The following ATXN1 variants were observed in gnomAD, a reference collection of about 807,000 sequenced individuals.
The protein encoded by ATXN1 is ataxin-1.
Under a neutral mutation model 56.4 loss-of-function variants are expected in ATXN1, and 8 were observed. The observed-to-expected ratio is 0.14, with a 90% CI of 0.08 to 0.26. The LOEUF (loss-of-function observed/expected upper bound fraction) is 0.26. Ranked by LOEUF, ATXN1 falls within the 10% of genes least tolerant of loss-of-function variation. ATXN1 has a pLI of 1.00. For missense variants in ATXN1, 987 were observed against 1,106.5 expected, an observed-to-expected ratio of 0.89 and a Z score of 1.53; for synonymous variants, 514 against 494.6, an observed-to-expected ratio of 1.04 and a Z score of -0.52.
rs138431014 is a variant in ATXN1, at chr6:16,310,070, T to TAA, written c.1918-3213_1918-3212dup. ...CTGGGCGACAATAGAGAAACTCCAT[T>TAA]AAAAAAAAAAAGCCTCTAGAACAAA... On this transcript the variant is annotated intron_variant, in intron 7 of 7. Transcript: ENST00000436367. Among the ~76,000 whole-genome samples the TAA allele has an allele frequency of 5.7e-5, 8 of 139,382 alleles. No individual in the cohort carries two copies. In the South Asian group the frequency reaches 9.2e-4, roughly 16 times the overall value. 91.4% of individuals were successfully genotyped at this position (139,382 alleles called of 152,430 possible). A position where few individuals can be genotyped will look rare whatever the true frequency, so the allele number is the denominator to read the frequency against.
chr6:16,320,756 A>C (rs179994), intron 7 of ATXN1, among the ~76,000 whole-genome samples: 46,584 of 152,200 alleles, frequency 0.31, 8,095 homozygotes, highest in Non-Finnish European at 0.4. Context: ...GCACCCCTCA[A>C]ATCCAGTTCA....
chr6:16,363,769 T>C (rs78341114), intron 6 of ATXN1, among the ~76,000 whole-genome samples: 1 of 151,206 alleles, frequency 6.6e-6, no homozygotes, highest in Middle Eastern at 3.2e-3. Context: ...GAGTGGCAGG[T>C]GGGGTCAGGA....
intron 4 of ATXN1, among the ~76,000 whole-genome samples, chr6:16,527,254 T>C (rs1044839354): frequency 2.0e-5 from 3 of 151,962 alleles, no homozygotes; most frequent in African/African-American, 7.3e-5. Flanking sequence ...ATCTCACTTT[T>C]GAGGGGAGGC....
intron 3 of ATXN1, among the ~76,000 whole-genome samples, chr6:16,623,751 T>C (rs1440751298): frequency 6.6e-6 from 1 of 152,236 alleles, no homozygotes; most frequent in African/African-American, 2.4e-5. Flanking sequence ...AGCATGTGTG[T>C]GTCTGAGAAC....
At chr6:16,499,752 C>A (rs1178405480) in intron 5 of ATXN1, among the ~76,000 whole-genome samples, 1 of 152,142 alleles carries the variant, frequency 6.6e-6, no homozygotes, top group Non-Finnish European at 1.5e-5. Flanking sequence ...TGGCATGATA[C>A]CTAAGACTCT....
intron 2 of ATXN1, among the ~76,000 whole-genome samples, chr6:16,700,037 T>C (rs1759249035): frequency 6.6e-6 from 1 of 152,202 alleles, no homozygotes; most frequent in Non-Finnish European, 1.5e-5. Flanking sequence ...AATAAACTAT[T>C]ATTAAGCCAT....
At chr6:16,680,748 G>A (rs1758796505) in intron 2 of ATXN1, among the ~76,000 whole-genome samples, 1 of 152,176 alleles carries the variant, frequency 6.6e-6, no homozygotes, top group Non-Finnish European at 1.5e-5. Flanking sequence ...AAAAGCTGAA[G>A]TATGACCATC....
chr6:16,515,078 C>T (rs1761154781), intron 5 of ATXN1, among the ~76,000 whole-genome samples: 1 of 152,028 alleles, frequency 6.6e-6, no homozygotes, highest in Non-Finnish European at 1.5e-5. Flanking sequence ...ATTGGGTTAT[C>T]TCTGACTCCA....
chr6:16,655,417 C>T (rs1334339294), intron 3 of ATXN1, among the ~76,000 whole-genome samples: 1 of 152,018 alleles, frequency 6.6e-6, no homozygotes, highest in East Asian at 1.9e-4. Flanking sequence ...GGCTACTGGT[C>T]TGTGATGATG....
rs994904560 is a variant in ATXN1, at chr6:16,434,790, T to C, written c.-161+51182A>G. On this transcript the variant is annotated intron_variant, in intron 6 of 7. Coordinates refer to ENST00000436367, the MANE Select transcript of ATXN1 (RefSeq NM_001128164.2). ...AGAAACAGGAAGCTCCCTGCTCTCA[T>C]AGTGCTTCTTAGTTGGGGAGAAAAG... Among the ~76,000 whole-genome samples, 4 of 152,224 alleles carry C rather than the reference T, an allele frequency of 2.6e-5. No homozygotes were observed. In the East Asian group the frequency reaches 7.7e-4, roughly 29 times the overall value.
At chr6:16,321,267 G>A (rs1210384222) in intron 7 of ATXN1, among the ~76,000 whole-genome samples, 2 of 151,948 alleles carry the variant, frequency 1.3e-5, no homozygotes, top group African/African-American at 4.8e-5. Context: ...ATCTGGATGC[G>A]CCACAGACTT....
At chr6:16,438,085 A>G (rs1232314284) in intron 6 of ATXN1, among the ~76,000 whole-genome samples, 1 of 152,258 alleles carries the variant, frequency 6.6e-6, no homozygotes, top group Non-Finnish European at 1.5e-5. Context: ...GATCCCTCAC[A>G]TGTGCAGTTC....
At position 16,522,647 on chromosome 6, in the gene ATXN1, A is replaced by G. The variant is rs1217051907; in HGVS notation, c.-319T>C. On this transcript the variant is annotated 5_prime_UTR_variant, in exon 5 of 8. Transcript: ENST00000436367. ...CTCACCCTATGAAAACAGCACGTCGATTTCTTTCTCACGAAGAAAATGGTC... is the reference window on the plus strand; with the variant it reads ...CTCACCCTATGAAAACAGCACGTCGGTTTCTTTCTCACGAAGAAAATGGTC... 2 of 152,194 alleles carry G rather than the reference A, an allele frequency of 1.3e-5. No individual in the cohort carries two copies. Among genetic ancestry groups the G allele is most frequent in the Non-Finnish European group, 2.9e-5 (2 of 68,034 alleles). The allele number at this position is 152,194 out of a possible 1,614,324, so 9.4% of individuals were successfully genotyped here. A position where few individuals can be genotyped will look rare whatever the true frequency, so the allele number is the denominator to read the frequency against.
intron 5 of ATXN1, among the ~76,000 whole-genome samples, chr6:16,502,083 T>C (rs1200850358): frequency 2.0e-5 from 3 of 152,250 alleles, no homozygotes; most frequent in African/African-American, 7.2e-5. Flanking sequence ...GTTGGTTAGA[T>C]GAGAAAAGTT....
intron 2 of ATXN1, among the ~76,000 whole-genome samples, chr6:16,690,868 C>A (rs150796082): frequency 3.4e-4 from 52 of 152,272 alleles, no homozygotes; most frequent in African/African-American, 1.2e-3. Flanking sequence ...CACGATGATG[C>A]TGTTCAAACA....
chr6:16,446,753 A>G (rs1431296184), intron 6 of ATXN1, among the ~76,000 whole-genome samples: 2 of 152,196 alleles, frequency 1.3e-5, no homozygotes, highest in African/African-American at 4.8e-5. Flanking sequence ...TGTTGGTGTC[A>G]TCTATCAACA....
chr6:16,750,561 T>G (rs1760679506), intron 2 of ATXN1, among the ~76,000 whole-genome samples: 1 of 152,236 alleles, frequency 6.6e-6, no homozygotes, highest in African/African-American at 2.4e-5. Context: ...GCTTATAAGC[T>G]TTCTTTAAAT....
intron 3 of ATXN1, among the ~76,000 whole-genome samples, chr6:16,610,030 T>C (rs1238768519): frequency 6.6e-6 from 1 of 151,670 alleles, no homozygotes; most frequent in East Asian, 1.9e-4. Context: ...CTTTGGAGCA[T>C]CAAACCAGCA....
At chr6:16,585,005 G>A (rs548489494) in intron 4 of ATXN1, among the ~76,000 whole-genome samples, 1 of 152,174 alleles carries the variant, frequency 6.6e-6, no homozygotes, top group South Asian at 2.1e-4. Flanking sequence ...GGCTGAGGTG[G>A]GAAGACTGCT....
Sources: allele counts gnomAD v4.1 joint callset (sites outside exome capture counted in the v4.1 genomes callset), GRCh38; gene constraint gnomAD v4.1.1; transcripts MANE v1.5; gene names NCBI Gene and HGNC (gene_info 2026-07-23, HGNC 2026-07-21).